CA10: variants seen among roughly 807,000 people sequenced by gnomAD.
The protein encoded by CA10 is carbonic anhydrase 10 (inactive).
In CA10, 14 loss-of-function variants were observed where a neutral mutation model predicts 44.2. That is an observed-to-expected ratio of 0.32 (90% CI 0.21 to 0.50). CA10 has a LOEUF of 0.50. CA10 is among the 20% of genes least tolerant of loss of function. The probability of loss-of-function intolerance (pLI) is 0.99; values close to 1 mark genes in which losing one functional copy is unlikely to be tolerated. For synonymous variants in CA10, 159 were observed against 141.6 expected, an observed-to-expected ratio of 1.12 and a Z score of -0.87; for missense variants, 350 against 409.7, an observed-to-expected ratio of 0.85 and a Z score of 1.26.
intron 3 of CA10, among the ~76,000 whole-genome samples, chr17:51,846,853 G>C (rs1201766731): frequency 6.6e-6 from 1 of 152,186 alleles, no homozygotes; most frequent in South Asian, 2.1e-4. Context: ...GCTGTTTTGC[G>C]ATCATGCCCT....
At chr17:51,898,053 T>C (rs907132070) in intron 3 of CA10, among the ~76,000 whole-genome samples, 2 of 152,122 alleles carry the variant, frequency 1.3e-5, no homozygotes, top group Non-Finnish European at 2.9e-5. Context: ...TGGGTGTCTT[T>C]TCTTTCTTTC....
chr17:51,867,667 T>C (rs555766009), intron 3 of CA10, among the ~76,000 whole-genome samples: 1 of 152,310 alleles, frequency 6.6e-6, no homozygotes, highest in East Asian at 1.9e-4. Context: ...TCACCAGCAA[T>C]TCCAGTTCCT....
Position 51,919,083 on chromosome 17 carries a change from T to G in CA10, c.279+11907A>C, listed in dbSNP as rs568015817. Among the ~76,000 whole-genome samples, 467 of 152,300 alleles carry G rather than the reference T, an allele frequency of 3.1e-3. 1 individual carries two copies. Among genetic ancestry groups the G allele is most frequent in the African/African-American group, 0.011 (450 of 41,570 alleles). ...GTTCTTTTGTTTCAGAAACCAAGCTTAGAAGAAAATGAGCATTTTCTTAAG... is the reference window on the plus strand; with the variant it reads ...GTTCTTTTGTTTCAGAAACCAAGCTGAGAAGAAAATGAGCATTTTCTTAAG... On this transcript the variant is annotated intron_variant, in intron 3 of 8. Coordinates refer to ENST00000451037, the MANE Select transcript of CA10 (RefSeq NM_020178.5).
intron 3 of CA10, among the ~76,000 whole-genome samples, chr17:51,929,245 A>G (rs1982554908): frequency 1.3e-5 from 2 of 152,010 alleles, no homozygotes; most frequent in Admixed American, 6.6e-5. Context: ...TCACATCAAC[A>G]TTTTTCCTTT....
chr17:51,686,568 G>A (rs1340637533), intron 4 of CA10, among the ~76,000 whole-genome samples: 2 of 151,966 alleles, frequency 1.3e-5, no homozygotes, highest in Non-Finnish European at 2.9e-5. Context: ...AAATCTTAAT[G>A]TCTACACCCT....
intron 1 of CA10, among the ~76,000 whole-genome samples, chr17:52,153,831 G>A (rs1352456424): frequency 6.6e-6 from 1 of 152,188 alleles, no homozygotes; most frequent in African/African-American, 2.4e-5. Flanking sequence ...AAACTGTGCT[G>A]TGTGAAAATC....
intron 3 of CA10, among the ~76,000 whole-genome samples, chr17:51,806,394 A>G (rs1218306228): frequency 6.6e-6 from 1 of 152,228 alleles, no homozygotes; most frequent in Non-Finnish European, 1.5e-5. Context: ...TCATTAAACC[A>G]ACAATTATAT....
intron 4 of CA10, among the ~76,000 whole-genome samples, chr17:51,737,366 C>T (rs755367627): frequency 1.1e-4 from 16 of 151,986 alleles, no homozygotes; most frequent in Non-Finnish European, 1.9e-4. Flanking sequence ...TTTAGTTCAC[C>T]GTGGTTATGC....
chr17:52,016,687 T>G (rs540861343), intron 2 of CA10, among the ~76,000 whole-genome samples: 5 of 152,148 alleles, frequency 3.3e-5, no homozygotes, highest in African/African-American at 1.2e-4. Context: ...CTGAGGTGGA[T>G]AGATCACTTT....
chr17:51,807,519 A>G (rs1907180868), intron 3 of CA10, among the ~76,000 whole-genome samples: 1 of 152,230 alleles, frequency 6.6e-6, no homozygotes. Flanking sequence ...AATTTGTAGA[A>G]CACTTAAATG....
At position 51,821,838 on chromosome 17, in the gene CA10, C is replaced by T. The variant is rs575858144; in HGVS notation, c.280-74020G>A. On this transcript the variant is annotated intron_variant, in intron 3 of 8. Coordinates refer to ENST00000451037, the MANE Select transcript of CA10 (RefSeq NM_020178.5). ...AGAGTCAGAAGACCTAAGTTTGACT[C>T]CCGATTCTGTTATCTATTGGCTGTG... is the stretch of plus-strand genomic sequence containing the variant. 9.9e-5 allele frequency among the ~76,000 whole-genome samples: 15 copies of T among 152,268 alleles called. No homozygotes were observed. In the South Asian group the frequency reaches 3.1e-3, roughly 32 times the overall value.
chr17:51,644,447 C>G lies in CA10; in HGVS notation c.634+4735G>C, dbSNP rs967999949. On this transcript the variant is annotated intron_variant, in intron 6 of 8. Transcript: ENST00000451037. Reference sequence around the variant, plus strand: ...TGAGGACATGTCCCGCCTCTCTTCTCTATTTATTCTTACTCTCAGGATTTC... The same window carrying G: ...TGAGGACATGTCCCGCCTCTCTTCTGTATTTATTCTTACTCTCAGGATTTC... 3.3e-5 allele frequency among the ~76,000 whole-genome samples: 5 copies of G among 152,290 alleles called. No homozygotes were observed. In the East Asian group the frequency reaches 9.7e-4, roughly 29 times the overall value.
At chr17:51,873,849 C>T (rs963851036) in intron 3 of CA10, among the ~76,000 whole-genome samples, 2 of 152,144 alleles carry the variant, frequency 1.3e-5, no homozygotes, top group Non-Finnish European at 2.9e-5. Context: ...CATTTCACTG[C>T]CTAAAATGAC....
At chr17:52,104,749 T>G (rs1988621106) in intron 1 of CA10, among the ~76,000 whole-genome samples, 1 of 152,194 alleles carries the variant, frequency 6.6e-6, no homozygotes. Flanking sequence ...CTCTCCCAAG[T>G]CCTAAGCACT....
intron 1 of CA10, among the ~76,000 whole-genome samples, chr17:52,142,987 T>C (rs1388439311): frequency 6.6e-6 from 1 of 152,220 alleles, no homozygotes; most frequent in African/African-American, 2.4e-5. Flanking sequence ...ACTTTTAACA[T>C]CATTTCTAAA....
intron 4 of CA10, among the ~76,000 whole-genome samples, chr17:51,740,370 C>G (rs1904407871): frequency 6.6e-6 from 1 of 152,148 alleles, no homozygotes; most frequent in Non-Finnish European, 1.5e-5. Context: ...GGGCCCAGAG[C>G]AGATGCGTAA....
intron 2 of CA10, among the ~76,000 whole-genome samples, chr17:52,011,104 G>T (rs375541643): frequency 6.6e-6 from 1 of 151,862 alleles, no homozygotes; most frequent in African/African-American, 2.4e-5. Context: ...CCTAAAAACT[G>T]GGAATTGTAT....
At chr17:51,987,797 A>G (rs538447923) in intron 2 of CA10, among the ~76,000 whole-genome samples, 1 of 152,198 alleles carries the variant, frequency 6.6e-6, no homozygotes, top group South Asian at 2.1e-4. Context: ...CATGAAAATT[A>G]AAATTCAAGG....
At chr17:52,061,220 A>G (rs886439545) in intron 2 of CA10, among the ~76,000 whole-genome samples, 1 of 152,128 alleles carries the variant, frequency 6.6e-6, no homozygotes, top group East Asian at 1.9e-4. Flanking sequence ...TGCAATCACA[A>G]ACATTCTGAA....
Sources: allele counts gnomAD v4.1 joint callset (sites outside exome capture counted in the v4.1 genomes callset), GRCh38; gene constraint gnomAD v4.1.1; transcripts MANE v1.5; gene names NCBI Gene and HGNC (gene_info 2026-07-23, HGNC 2026-07-21).